TDRD3: variants seen among roughly 807,000 people sequenced by gnomAD.
The protein encoded by TDRD3 is tudor domain containing 3.
Under a neutral mutation model 86.7 loss-of-function variants are expected in TDRD3, and 45 were observed. The observed-to-expected ratio is 0.52, with a 90% CI of 0.41 to 0.67. The LOEUF is 0.67. TDRD3 is among the 30% of genes least tolerant of loss of function. The pLI, the probability that TDRD3 is intolerant of heterozygous loss-of-function variation, is 0.00. For synonymous variants in TDRD3, 298 were observed against 301.7 expected, an observed-to-expected ratio of 0.99 and a Z score of 0.13; for missense variants, 814 against 889.0, an observed-to-expected ratio of 0.92 and a Z score of 1.07.
At chr13:60,514,671 T>C (rs982328897) in intron 10 of TDRD3, among the ~76,000 whole-genome samples, 1 of 152,068 alleles carries the variant, frequency 6.6e-6, no homozygotes, top group Non-Finnish European at 1.5e-5. Flanking sequence ...TGCCTGGGAA[T>C]GTATGGTAGA....
At chr13:60,505,382 G>A (rs934939510) in intron 8 of TDRD3, among the ~76,000 whole-genome samples, 15 of 152,170 alleles carry the variant, frequency 9.9e-5, no homozygotes, top group African/African-American at 2.7e-4. Context: ...GCCAGACTGC[G>A]TCTCTGGATT....
intron 10 of TDRD3, among the ~76,000 whole-genome samples, chr13:60,521,837 C>T (rs544590450): frequency 4.6e-5 from 7 of 152,042 alleles, no homozygotes; most frequent in South Asian, 4.2e-4. Context: ...GTGGAGGTTG[C>T]GGTGAGCCGA....
At chr13:60,459,406 GT>G (rs1476523482) in intron 3 of TDRD3, among the ~76,000 whole-genome samples, 2 of 152,056 alleles carry the variant, frequency 1.3e-5, no homozygotes, top group African/African-American at 2.4e-5. Flanking sequence ...AAGTATATTT[GT>G]TTTATTTTTA....
At chr13:60,505,549 G>T (rs991465648) in intron 8 of TDRD3, among the ~76,000 whole-genome samples, 12 of 152,200 alleles carry the variant, frequency 7.9e-5, no homozygotes, top group Non-Finnish European at 1.0e-4. Flanking sequence ...TGCCGGCTCT[G>T]AAGCAAGCAG....
At position 60,397,321 on chromosome 13, in the gene TDRD3, A is replaced by AAACCCC; in HGVS notation, c.-44_-43insAACCCC. 1 of 1,113,172 alleles carries AAACCCC rather than the reference A, an allele frequency of 9.0e-7. No homozygotes were observed. The highest frequency in any genetic ancestry group is 1.2e-6 in the Non-Finnish European group (1 of 829,458). 69.0% of individuals were successfully genotyped at this position (1,113,172 alleles called of 1,614,324 possible). Reference sequence around the variant, plus strand: ...GTCTCAAGTAGGAGGCCTCCCCATCACCCCCACCCCAGCCCCCCACCACCC... The same window carrying AAACCCC: ...GTCTCAAGTAGGAGGCCTCCCCATCAAACCCCCCCCCACCCCAGCCCCCCACCACCC... On this transcript the variant is annotated 5_prime_UTR_variant, in exon 1 of 14. Coordinates refer to ENST00000377881, the MANE Select transcript of TDRD3 (RefSeq NM_001146070.2).
intron 12 of TDRD3, among the ~76,000 whole-genome samples, chr13:60,543,173 TC>T (rs921368600): frequency 6.6e-6 from 1 of 152,198 alleles, no homozygotes; most frequent in African/African-American, 2.4e-5. Context: ...CTTAAAAAAC[TC>T]ATATAGTTTA....
At position 60,485,855 on chromosome 13, in the gene TDRD3, G is replaced by GC. The variant is rs766230571; in HGVS notation, c.625dup (p.Gln209ProfsTer11). Reference sequence around the variant, plus strand: ...GAGAACTTGATCGAAGAAAAACATTGCAAGTTACAATGCCTGTCAAACCTA... The same window carrying GC: ...GAGAACTTGATCGAAGAAAAACATTGCCAAGTTACAATGCCTGTCAAACCTA... On this transcript the variant is annotated frameshift_variant, in exon 7 of 14. Transcript: ENST00000377881. LOFTEE classifies it high-confidence loss of function. 6.2e-7 allele frequency: 1 copy of GC among 1,610,368 alleles called. No homozygotes were observed. Among genetic ancestry groups the GC allele is most frequent in the South Asian group, 1.1e-5 (1 of 90,408 alleles).
intron 6 of TDRD3, 99 bp from the exon 7 acceptor site, chr13:60,485,700 A>G: frequency 2.0e-6 from 2 of 989,452 alleles, no homozygotes; most frequent in Non-Finnish European, 2.7e-6. Context: ...TAGCTATTGT[A>G]AAAGATACAA....
intron 3 of TDRD3, among the ~76,000 whole-genome samples, chr13:60,455,382 G>T (rs1955642985): frequency 6.6e-6 from 1 of 152,128 alleles, no homozygotes; most frequent in Non-Finnish European, 1.5e-5. Context: ...CAGCTTTCTT[G>T]AAACATTGCC....
chr13:60,530,279 C>A (rs960947762), intron 11 of TDRD3, among the ~76,000 whole-genome samples: 3 of 152,042 alleles, frequency 2.0e-5, no homozygotes, highest in African/African-American at 4.8e-5. Context: ...TATTTGTTAA[C>A]TCTGTTAATT....
chr13:60,399,660 G>T (rs1351984003), intron 1 of TDRD3, among the ~76,000 whole-genome samples: 1 of 152,134 alleles, frequency 6.6e-6, no homozygotes, highest in Non-Finnish European at 1.5e-5. Context: ...TTACACTTGG[G>T]GTTCTCTGTT....
rs1002461422 is a variant in TDRD3 at position 60,459,024 on chromosome 13, T to C, written c.193-1356T>C. On this transcript the variant is annotated intron_variant, in intron 3 of 13. Transcript: ENST00000377881. ...TCGGACTTGCTTCAACTTGGAATTT[T>C]TTTTCGTAAGTGAAAATTAGATGAA... 9.9e-5 allele frequency among the ~76,000 whole-genome samples: 15 copies of C among 152,236 alleles called. No individual in the cohort carries two copies. The South Asian group carries it at 2.9e-3, about 29-fold the overall frequency.
At chr13:60,446,714 G>GT (rs1477415898) in intron 3 of TDRD3, among the ~76,000 whole-genome samples, 1 of 152,084 alleles carries the variant, frequency 6.6e-6, no homozygotes, top group Non-Finnish European at 1.5e-5. Flanking sequence ...ATATAAAAAT[G>GT]TAACTATCTT....
intron 1 of TDRD3, among the ~76,000 whole-genome samples, chr13:60,411,973 A>G (rs1354191434): frequency 6.6e-6 from 1 of 152,190 alleles, no homozygotes; most frequent in Non-Finnish European, 1.5e-5. Context: ...AACAGCAGAG[A>G]GCCATAGAGT....
intron 1 of TDRD3, among the ~76,000 whole-genome samples, chr13:60,407,632 T>C (rs2137814866): frequency 6.6e-6 from 1 of 152,352 alleles, no homozygotes; most frequent in Middle Eastern, 3.4e-3. Context: ...AATATGTTGA[T>C]AACATTTCTT....
intron 2 of TDRD3, among the ~76,000 whole-genome samples, chr13:60,444,079 A>G (rs1014158127): frequency 6.6e-6 from 1 of 151,824 alleles, no homozygotes; most frequent in Non-Finnish European, 1.5e-5. Flanking sequence ...TTCCTTGTTG[A>G]GTTACAGGTA....
intron 1 of TDRD3, among the ~76,000 whole-genome samples, chr13:60,411,671 C>G (rs981267712): frequency 1.3e-5 from 2 of 151,916 alleles, no homozygotes; most frequent in African/African-American, 4.8e-5. Flanking sequence ...ATTTAAGGAC[C>G]CAGGTTCCTT....
At chr13:60,426,350 G>C (rs1317493376) in intron 1 of TDRD3, among the ~76,000 whole-genome samples, 1 of 152,000 alleles carries the variant, frequency 6.6e-6, no homozygotes, top group African/African-American at 2.4e-5. Context: ...AACAAGTTGA[G>C]AGATGTACAA....
intron 12 of TDRD3, among the ~76,000 whole-genome samples, chr13:60,561,616 A>C (rs552144270): frequency 6.6e-6 from 1 of 152,208 alleles, no homozygotes; most frequent in East Asian, 1.9e-4. Context: ...AAAAATATAA[A>C]TCTGCTCTGT....
Sources: allele counts gnomAD v4.1 joint callset (sites outside exome capture counted in the v4.1 genomes callset), GRCh38; gene constraint gnomAD v4.1.1; transcripts MANE v1.5; gene names NCBI Gene and HGNC (gene_info 2026-07-23, HGNC 2026-07-21).